COL14A1: variants seen among roughly 807,000 people sequenced by gnomAD.
The protein encoded by COL14A1 is collagen type XIV alpha 1 chain.
A neutral mutation model predicts 230.3 loss-of-function variants in COL14A1; 136 were observed. The observed-to-expected ratio is 0.59, with a 90% CI of 0.51 to 0.68. The LOEUF is 0.68. Ranked by LOEUF, COL14A1 falls within the 30% of genes least tolerant of loss-of-function variation. The probability of loss-of-function intolerance (pLI) is 0.00; values close to 1 mark genes in which losing one functional copy is unlikely to be tolerated. For missense variants in COL14A1, 1,976 were observed against 2,215.8 expected (o/e 0.89, Z 2.17); for synonymous variants, 792 against 784.1 (o/e 1.01, Z -0.17).
At chr8:120,235,355 G>C (rs755934542) in intron 19 of COL14A1, among the ~76,000 whole-genome samples, 7 of 151,928 alleles carry the variant, frequency 4.6e-5, no homozygotes, top group Non-Finnish European at 8.8e-5. Flanking sequence ...TTTTTTAGTA[G>C]AGATGGGTTT....
chr8:120,288,006 A>G (rs752164029), intron 33 of COL14A1, among the ~76,000 whole-genome samples: 3 of 141,064 alleles, frequency 2.1e-5, no homozygotes, highest in Non-Finnish European at 4.6e-5. Flanking sequence ...AAAATTTTCA[A>G]TATCTCCTTT....
chr8:120,227,974 G>A (rs1389710560), intron 17 of COL14A1, among the ~76,000 whole-genome samples: 3 of 152,176 alleles, frequency 2.0e-5, no homozygotes, highest in Non-Finnish European at 2.9e-5. Flanking sequence ...GACAGCAGGA[G>A]GGGGCATGGG....
chr8:120,270,289 C>T lies in COL14A1; in HGVS notation c.3213+115C>T, dbSNP rs535334385. ...AAGAACTGTAATGATTGGGTTCAAC[C>T]TTAAATGAAAGGATAGACAGGTATG... On this transcript the variant is annotated intron_variant, in intron 26 of 47. Coordinates refer to ENST00000297848, the MANE Select transcript of COL14A1 (RefSeq NM_021110.4). 2.8e-5 allele frequency: 30 copies of T among 1,077,978 alleles called. No homozygotes were observed. The African/African-American group carries it at 4.2e-4, about 15-fold the overall frequency. 66.8% of individuals were successfully genotyped at this position (1,077,978 alleles called of 1,614,324 possible).
Position 120,226,751 on chromosome 8 carries a change from G to A in COL14A1, c.1989G>A (p.Gly663=), listed in dbSNP as rs1172687163. 1 of 1,613,426 alleles carries A rather than the reference G, an allele frequency of 6.2e-7. No individual in the cohort carries two copies. The highest frequency in any genetic ancestry group is 1.7e-5 in the Admixed American group (1 of 59,980). The change falls in exon 16 of 48, where the codon GGG becomes GGA. Residue 663 remains glycine, a synonymous_variant. Transcript: ENST00000297848. ...LHKLMWIPVY[G]GKTEEVVLKE... Reference sequence around the variant, plus strand: ...AATTGATGTGGATTCCAGTCTATGGGGGGAAGACTGAGGAGGTGAGTTTTC... The same window carrying A: ...AATTGATGTGGATTCCAGTCTATGGAGGGAAGACTGAGGAGGTGAGTTTTC...
intron 24 of COL14A1, 70 bp from the exon 25 acceptor site, chr8:120,266,757 C>T: frequency 1.6e-6 from 2 of 1,250,178 alleles, no homozygotes; most frequent in Non-Finnish European, 2.3e-6. Context: ...ATATTTATTA[C>T]TCCATGACCT....
At chr8:120,323,466 G>A (rs1208725197) in intron 40 of COL14A1, among the ~76,000 whole-genome samples, 2 of 151,982 alleles carry the variant, frequency 1.3e-5, no homozygotes, top group Non-Finnish European at 2.9e-5. Context: ...ATTGCTTTTG[G>A]CATCTTTGTC....
intron 35 of COL14A1, among the ~76,000 whole-genome samples, chr8:120,300,493 G>A (rs1208985887): frequency 6.6e-6 from 1 of 151,704 alleles, no homozygotes; most frequent in Non-Finnish European, 1.5e-5. Context: ...TTCCTCACCT[G>A]GATTCCCAAG....
At chr8:120,255,142 A>C in intron 22 of COL14A1, 98 bp from the exon 23 acceptor site, 1 of 856,692 alleles carries the variant, frequency 1.2e-6, no homozygotes, top group Non-Finnish European at 2.0e-6. Context: ...CTGACTATGC[A>C]GCTTTGAATG....
chr8:120,278,499 C>T lies in COL14A1; in HGVS notation c.3402C>T (p.Ile1134=). Residue 1134 remains isoleucine, a synonymous_variant, in exon 28 of 48, where the codon ATC becomes ATT. Coordinates refer to ENST00000297848, the MANE Select transcript of COL14A1 (RefSeq NM_021110.4). ...FTAESGTRRG[I]PKVIVVITDG... The stretch of plus-strand genomic sequence containing the variant: ...CAGAGTCAGGTACAAGAAGGGGCAT[C>T]CCAAAGGTTATCGTGGTTATAACTG... The T allele has an allele frequency of 1.2e-6, 2 of 1,613,096 alleles. No homozygotes were observed. Among genetic ancestry groups the T allele is most frequent in the South Asian group, 1.1e-5 (1 of 91,010 alleles).
rs766902957 is a variant in COL14A1, at chr8:120,228,799, C to T, written c.2197+30C>T. On this transcript the variant is annotated intron_variant, in intron 18 of 47. Transcript: ENST00000297848. ...GGTCAAATAGTAGCCTGCTTAACCACTTTAAAAATTTTCTTTAAACAGATG... is the reference window on the plus strand; with the variant it reads ...GGTCAAATAGTAGCCTGCTTAACCATTTTAAAAATTTTCTTTAAACAGATG... 6 of 1,594,016 alleles carry T rather than the reference C, an allele frequency of 3.8e-6. No individual in the cohort carries two copies. In the South Asian group the frequency reaches 6.7e-5, roughly 18 times the overall value.
At chr8:120,218,947 T>A (rs147373327) in intron 14 of COL14A1, among the ~76,000 whole-genome samples, 1 of 152,150 alleles carries the variant, frequency 6.6e-6, no homozygotes, top group African/African-American at 2.4e-5. Flanking sequence ...TATTCCCCAA[T>A]AAATATTTGT....
chr8:120,283,811 T>C (rs769026843), intron 32 of COL14A1, 33 bp downstream of exon 32: 46 of 1,573,858 alleles, frequency 2.9e-5, no homozygotes, highest in Non-Finnish European at 3.7e-5. Flanking sequence ...CATTCACATA[T>C]ACATGTATGA....
chr8:120,316,914 G>A (rs1224826801), intron 40 of COL14A1, among the ~76,000 whole-genome samples: 1 of 152,116 alleles, frequency 6.6e-6, no homozygotes, highest in Non-Finnish European at 1.5e-5. Context: ...CTTAGGTGTG[G>A]GGAGATTGTT....
chr8:120,288,814 A>G lies in COL14A1; in HGVS notation c.4078-794A>G, dbSNP rs1820286881. 2.0e-5 allele frequency among the ~76,000 whole-genome samples: 3 copies of G among 152,288 alleles called. No homozygotes were observed. In the South Asian group the frequency reaches 6.2e-4, roughly 32 times the overall value. On this transcript the variant is annotated intron_variant, in intron 33 of 47. Coordinates refer to ENST00000297848, the MANE Select transcript of COL14A1 (RefSeq NM_021110.4). ...CCTATTAATTTGACTCTTTTAGCTC[A>G]TCAGTCTGCCAAAAACAAGTACTGT...
At chr8:120,270,874 T>G (rs1344062682) in intron 26 of COL14A1, among the ~76,000 whole-genome samples, 1 of 151,758 alleles carries the variant, frequency 6.6e-6, no homozygotes, top group Non-Finnish European at 1.5e-5. Flanking sequence ...CTGTTGGATA[T>G]ATACCCAAAG....
intron 45 of COL14A1, among the ~76,000 whole-genome samples, chr8:120,349,595 G>A (rs1458239025): frequency 1.4e-5 from 2 of 140,964 alleles, no homozygotes; most frequent in Non-Finnish European, 3.0e-5. Flanking sequence ...GAATGCAGAA[G>A]CCTCGGGAGC....
At position 120,250,767 on chromosome 8, in the gene COL14A1, G is replaced by A. The variant is rs1818917503; in HGVS notation, c.2752+1G>A. On this transcript the variant is annotated splice_donor_variant, in intron 22 of 47. Transcript: ENST00000297848. LOFTEE classifies it high-confidence loss of function. Reference sequence around the variant, plus strand: ...GCCCTGACAGGCATGGTGAAAACATGTAAGAGCCATTTCCGATGGCCTCAG... The same window carrying A: ...GCCCTGACAGGCATGGTGAAAACATATAAGAGCCATTTCCGATGGCCTCAG... 6.2e-7 allele frequency: 1 copy of A among 1,613,740 alleles called. No individual in the cohort carries two copies. Among genetic ancestry groups the A allele is most frequent in the African/African-American group, 1.3e-5 (1 of 74,906 alleles).
intron 33 of COL14A1, among the ~76,000 whole-genome samples, chr8:120,287,908 A>G (rs1820253516): frequency 1.3e-5 from 2 of 152,004 alleles, no homozygotes; most frequent in Non-Finnish European, 2.9e-5. Flanking sequence ...CACTTTGGCT[A>G]TGAAGTGTGG....
chr8:120,212,737 A>G (rs1817649455), intron 13 of COL14A1, among the ~76,000 whole-genome samples, 160 bp downstream of exon 13: 1 of 152,210 alleles, frequency 6.6e-6, no homozygotes. Flanking sequence ...TATTTCTTAT[A>G]TATTATATTA....
Sources: gnomAD v4.1 joint callset for allele counts (sites outside exome capture counted in the v4.1 genomes callset) on GRCh38, gnomAD v4.1.1 for gene constraint, MANE v1.5 for transcripts, NCBI Gene and HGNC (gene_info 2026-07-23, HGNC 2026-07-21) for gene names.